Variants in SOS2 observed in about 807,000 individuals in gnomAD.
The protein encoded by SOS2 is SOS Ras/Rho guanine nucleotide exchange factor 2.
Under a neutral mutation model 148.2 loss-of-function variants are expected in SOS2, and 65 were observed. The observed-to-expected ratio is 0.44, with a 90% confidence interval of 0.36 to 0.54. The LOEUF (loss-of-function observed/expected upper bound fraction) is 0.54. Among genes scored for constraint, SOS2 ranks in the 20% least tolerant of loss-of-function variants. The pLI is 0.00. For synonymous variants in SOS2, 539 were observed against 537.1 expected (o/e 1.00, Z -0.05); for missense variants, 1,341 against 1,590.2 (o/e 0.84, Z 2.67).
intron 8 of SOS2, among the ~76,000 whole-genome samples, chr14:50,168,901 T>C (rs1368503257): frequency 6.6e-6 from 1 of 152,234 alleles, no homozygotes; most frequent in Non-Finnish European, 1.5e-5. Context: ...TTGGATTTAG[T>C]GTTTAAATAT....
chr14:50,134,425 A>G (rs1361444995), intron 18 of SOS2, among the ~76,000 whole-genome samples, 186 bp from the exon 19 acceptor site: 1 of 152,198 alleles, frequency 6.6e-6, no homozygotes, highest in Non-Finnish European at 1.5e-5. Flanking sequence ...TTACTTCTGA[A>G]TAAGATTATA....
intron 1 of SOS2, chr14:50,215,270 AC>A (rs1334868916): frequency 9.0e-6 from 5 of 557,824 alleles, no homozygotes; most frequent in South Asian, 2.1e-5. Flanking sequence ...TAAATAAGCT[AC>A]AAAGCAATTT....
intron 9 of SOS2, 57 bp downstream of exon 9, chr14:50,161,425 G>A (rs764823682): frequency 1.4e-4 from 205 of 1,423,272 alleles, no homozygotes; most frequent in Non-Finnish European, 1.9e-4. Context: ...TGAAAACCAG[G>A]CATCAGAGAC....
At chr14:50,145,795 T>A (rs1444317860) in intron 14 of SOS2, among the ~76,000 whole-genome samples, 199 bp from the exon 15 acceptor site, 2 of 152,034 alleles carry the variant, frequency 1.3e-5, no homozygotes, top group Non-Finnish European at 2.9e-5. Context: ...GAAAATAACA[T>A]AAAACTACAA....
In SOS2 at chr14:50,159,879, A is replaced by C; in HGVS notation, c.1404T>G (p.Ser468Arg). The C allele has an allele frequency of 1.2e-6, 2 of 1,614,098 alleles. No individual in the cohort carries two copies. The highest frequency in any genetic ancestry group is 1.7e-6 in the Non-Finnish European group (2 of 1,179,944). The change falls in exon 10 of 23, where the codon AGT (serine) becomes AGG (arginine). Residue 468 changes from serine to arginine, a missense_variant. Coordinates refer to ENST00000216373, the MANE Select transcript of SOS2 (RefSeq NM_006939.4). ...HIFLFDGLMI[S>R]CKPNHGQTRL... The stretch of plus-strand genomic sequence containing the variant: ...GAGTCTGGCCATGATTAGGTTTACA[A>C]CTGATCATTAAGCCATCAAACAGAA...
At chr14:50,184,916 A>T (rs1053083560) in intron 5 of SOS2, among the ~76,000 whole-genome samples, 2 of 151,162 alleles carry the variant, frequency 1.3e-5, no homozygotes, top group African/African-American at 2.4e-5. Context: ...CTAGAGATCA[A>T]GCTCCATAAA....
At chr14:50,192,143 CAAAAAAAAAAAAAAAAAAAAAA>C (rs201836422) in intron 4 of SOS2, among the ~76,000 whole-genome samples, 16 of 118,884 alleles carry the variant, frequency 1.3e-4, no homozygotes, top group Non-Finnish European at 2.2e-4. Flanking sequence ...GTCCTTGTCA[CAAAAAAAAAAAAAAAAAAAAAA>C]AAAAAAAAAA....
intron 19 of SOS2, among the ~76,000 whole-genome samples, chr14:50,133,648 T>A (rs1394740215): frequency 6.6e-6 from 1 of 152,220 alleles, no homozygotes; most frequent in Non-Finnish European, 1.5e-5. Flanking sequence ...TTAGAGTTCA[T>A]CTTCTACTAC....
rs17122199 is a variant in SOS2 at position 50,156,726 on chromosome 14, C to T, written c.2057+273G>A. 4,147 of 169,302 alleles carry T rather than the reference C, an allele frequency of 0.024. 196 individuals carry two copies. Among genetic ancestry groups the T allele is most frequent in the African/African-American group, 0.091 (3,841 of 42,112 alleles). 10.5% of individuals were successfully genotyped at this position (169,302 alleles called of 1,614,324 possible). A position where few individuals can be genotyped will look rare whatever the true frequency, so the allele number is the denominator to read the frequency against. On this transcript the variant is annotated intron_variant, in intron 12 of 22. Coordinates refer to ENST00000216373, the MANE Select transcript of SOS2 (RefSeq NM_006939.4). Reference sequence around the variant, plus strand: ...ACAATAAAAAATAGGTATCCTGATACGTAAGCATAACATATCACATGCCAG... The same window carrying T: ...ACAATAAAAAATAGGTATCCTGATATGTAAGCATAACATATCACATGCCAG...
chr14:50,140,479 T>G (rs561311117), intron 16 of SOS2, among the ~76,000 whole-genome samples: 6 of 152,360 alleles, frequency 3.9e-5, no homozygotes, highest in Admixed American at 3.3e-4. Flanking sequence ...AACAAAAATT[T>G]AGTGAATGAA....
At chr14:50,205,451 A>T (rs1886629221) in intron 1 of SOS2, among the ~76,000 whole-genome samples, 1 of 152,092 alleles carries the variant, frequency 6.6e-6, no homozygotes, top group Non-Finnish European at 1.5e-5. Flanking sequence ...AGTAATTTAA[A>T]ACCCTCCCCA....
chr14:50,161,699 T>A, intron 8 of SOS2, 90 bp from the exon 9 acceptor site: 1 of 1,186,062 alleles, frequency 8.4e-7, no homozygotes, highest in Non-Finnish European at 1.2e-6. Flanking sequence ...ACAAATATTA[T>A]CAACTCTAAG....
intron 1 of SOS2, among the ~76,000 whole-genome samples, chr14:50,219,939 C>T (rs984634863): frequency 1.3e-5 from 2 of 151,956 alleles, no homozygotes; most frequent in East Asian, 1.9e-4. Flanking sequence ...TGTTAAGCCT[C>T]GAACTCCTGG....
intron 21 of SOS2, among the ~76,000 whole-genome samples, chr14:50,126,933 A>C (rs890773860): frequency 3.9e-5 from 6 of 151,918 alleles, no homozygotes; most frequent in African/African-American, 2.4e-5. Context: ...TACCCACATC[A>C]ATGCAGTTCA....
intron 7 of SOS2, among the ~76,000 whole-genome samples, chr14:50,176,083 G>A (rs1383363751): frequency 6.6e-6 from 1 of 152,186 alleles, no homozygotes; most frequent in Non-Finnish European, 1.5e-5. Context: ...TTGGATATGA[G>A]GGCAGAGCCC....
At chr14:50,150,271 C>A in intron 13 of SOS2, 41 bp from the exon 14 acceptor site, 1 of 1,254,122 alleles carries the variant, frequency 8.0e-7, no homozygotes, top group Non-Finnish European at 1.2e-6. Flanking sequence ...TTTTACTTGA[C>A]AGACATGACT....
chr14:50,217,892 T>C (rs948673288), intron 1 of SOS2, among the ~76,000 whole-genome samples: 1 of 151,574 alleles, frequency 6.6e-6, no homozygotes, highest in African/African-American at 2.4e-5. Context: ...GAGGCAGAGC[T>C]TGCAGTGAAT....
intron 17 of SOS2, among the ~76,000 whole-genome samples, 160 bp from the exon 18 acceptor site, chr14:50,138,944 A>G (rs998297982): frequency 6.6e-6 from 1 of 152,030 alleles, no homozygotes; most frequent in African/African-American, 2.4e-5. Context: ...ACAATCATTA[A>G]CTCTCCATTA....
At chr14:50,224,306 TATATATATACACACAC>T (rs1566487896) in intron 1 of SOS2, among the ~76,000 whole-genome samples, 6 of 47,800 alleles carry the variant, frequency 1.3e-4, no homozygotes, top group African/African-American at 5.4e-4. Flanking sequence ...AAAAAAAAAA[TATATATATACACACAC>T]ACACACACAC....
Sources: allele counts gnomAD v4.1 joint callset (sites outside exome capture counted in the v4.1 genomes callset), GRCh38; gene constraint gnomAD v4.1.1; transcripts MANE v1.5; gene names NCBI Gene and HGNC (gene_info 2026-07-23, HGNC 2026-07-21).